The following EBF1 variants were observed in gnomAD, a reference collection of about 807,000 sequenced individuals.
The protein encoded by EBF1 is transcription factor COE1.
Under a neutral mutation model 68.4 loss-of-function variants are expected in EBF1, and 10 were observed. That is an observed-to-expected ratio of 0.15 (90% CI 0.09 to 0.25). The LOEUF is 0.25. EBF1 is among the 10% of genes least tolerant of loss of function. The pLI, the probability that EBF1 is intolerant of heterozygous loss-of-function variation, is 1.00. For missense variants in EBF1, 509 were observed against 794.4 expected, an observed-to-expected ratio of 0.64 and a Z score of 4.32; for synonymous variants, 298 against 299.8, an observed-to-expected ratio of 0.99 and a Z score of 0.06.
intron 6 of EBF1, among the ~76,000 whole-genome samples, chr5:159,070,591 A>G (rs926832615): frequency 2.0e-5 from 3 of 152,018 alleles, no homozygotes; most frequent in African/African-American, 7.3e-5. Context: ...AGTTTTCCTG[A>G]ATAAACCACT....
chr5:159,096,727 T>G, intron 2 of EBF1: 1 of 618,194 alleles, frequency 1.6e-6, no homozygotes, highest in Non-Finnish European at 2.8e-6. Flanking sequence ...CGGGTGCCCA[T>G]GGCTGTGGAT....
intron 6 of EBF1, among the ~76,000 whole-genome samples, chr5:158,953,093 T>A (rs1020627890): frequency 2.0e-5 from 3 of 152,090 alleles, no homozygotes; most frequent in African/African-American, 7.2e-5. Context: ...CATACATCAC[T>A]AGTAAGACAT....
At chr5:159,093,959 A>G (rs1401184792) in intron 4 of EBF1, among the ~76,000 whole-genome samples, 2 of 148,400 alleles carry the variant, frequency 1.3e-5, no homozygotes, top group African/African-American at 2.5e-5. Flanking sequence ...ATACACATAG[A>G]GTATGTCTTA....
intron 6 of EBF1, among the ~76,000 whole-genome samples, chr5:158,993,180 G>A (rs1171411716): frequency 8.6e-5 from 13 of 151,154 alleles, no homozygotes; most frequent in Non-Finnish European, 1.5e-5. Context: ...CCAAGTAGCC[G>A]GGATTACAGG....
At chr5:158,905,088 C>T (rs936336434) in intron 6 of EBF1, among the ~76,000 whole-genome samples, 2 of 152,170 alleles carry the variant, frequency 1.3e-5, no homozygotes, top group African/African-American at 2.4e-5. Flanking sequence ...ATACATTCAG[C>T]ACATTTTGCT....
In EBF1 at chr5:158,697,303, ACTT is replaced by A. The variant is rs748468586; in HGVS notation, c.*1805_*1807del. On this transcript the variant is annotated 3_prime_UTR_variant, in exon 16 of 16. Transcript: ENST00000313708. ...TTTTTTTTGCCATATATTGGAAAAA[ACTT>A]CTTAACTTACAAATAATACAAAAAT... is the stretch of plus-strand genomic sequence containing the variant. 1.6e-4 allele frequency: 30 copies of A among 192,918 alleles called. No homozygotes were observed. The highest frequency in any genetic ancestry group is 6.1e-5 in the Admixed American group (1 of 16,302). 12.0% of individuals were successfully genotyped at this position (192,918 alleles called of 1,614,324 possible). A position where few individuals can be genotyped will look rare whatever the true frequency, so the allele number is the denominator to read the frequency against.
At chr5:158,847,077 C>A (rs1387767914) in intron 6 of EBF1, among the ~76,000 whole-genome samples, 1 of 152,114 alleles carries the variant, frequency 6.6e-6, no homozygotes, top group Non-Finnish European at 1.5e-5. Flanking sequence ...AAGAAGTTTA[C>A]CTTTTCCACT....
chr5:158,944,356 A>G (rs1315434311), intron 6 of EBF1, among the ~76,000 whole-genome samples: 1 of 152,120 alleles, frequency 6.6e-6, no homozygotes, highest in Non-Finnish European at 1.5e-5. Context: ...GCTGAGAATG[A>G]TGGTTTCCAG....
chr5:158,943,051 TGGGAGGGA>T (rs1218854972), intron 6 of EBF1, among the ~76,000 whole-genome samples: 13 of 18,138 alleles, frequency 7.2e-4, no homozygotes, highest in Non-Finnish European at 1.0e-3. Flanking sequence ...GGGAGGGAAG[TGGGAGGGA>T]GGGAGGGAGG....
At chr5:159,069,663 G>A (rs1298071055) in intron 6 of EBF1, among the ~76,000 whole-genome samples, 1 of 151,972 alleles carries the variant, frequency 6.6e-6, no homozygotes, top group Non-Finnish European at 1.5e-5. Flanking sequence ...AGAAAAACTG[G>A]GTTCCCAATT....
chr5:158,852,810 C>T (rs538387234), intron 6 of EBF1, among the ~76,000 whole-genome samples: 28 of 152,268 alleles, frequency 1.8e-4, no homozygotes, highest in African/African-American at 6.7e-4. Context: ...AGCATTTAGA[C>T]TTTCTGAGGG....
At chr5:158,968,635 A>C (rs1008728810) in intron 6 of EBF1, among the ~76,000 whole-genome samples, 3 of 152,328 alleles carry the variant, frequency 2.0e-5, no homozygotes, top group African/African-American at 7.2e-5. Flanking sequence ...ATACTTAAAA[A>C]ATTGATTTGG....
At chr5:158,996,458 A>T (rs1186334572) in intron 6 of EBF1, among the ~76,000 whole-genome samples, 1 of 152,198 alleles carries the variant, frequency 6.6e-6, no homozygotes, top group Non-Finnish European at 1.5e-5. Flanking sequence ...CCCAGAAGTA[A>T]GGGGCAAAGG....
chr5:158,805,219 C>T (rs1220207326), intron 8 of EBF1, among the ~76,000 whole-genome samples: 1 of 152,120 alleles, frequency 6.6e-6, no homozygotes, highest in Non-Finnish European at 1.5e-5. Context: ...TCTTCAAGGA[C>T]TATTTAAGTC....
At chr5:159,052,964 C>T (rs550606000) in intron 6 of EBF1, among the ~76,000 whole-genome samples, 2 of 152,306 alleles carry the variant, frequency 1.3e-5, no homozygotes, top group East Asian at 1.9e-4. Context: ...AAGTCTGGGG[C>T]ACCTCTGACC....
At chr5:158,774,468 C>G (rs1290848750) in intron 10 of EBF1, among the ~76,000 whole-genome samples, 5 of 151,782 alleles carry the variant, frequency 3.3e-5, no homozygotes, top group Non-Finnish European at 7.4e-5. Context: ...CTTTTCAGCT[C>G]AATAATATTT....
intron 8 of EBF1, among the ~76,000 whole-genome samples, chr5:158,819,823 C>G (rs1026493095): frequency 1.3e-5 from 2 of 152,112 alleles, no homozygotes; most frequent in Non-Finnish European, 2.9e-5. Flanking sequence ...CAAAGAAAAT[C>G]TTGGTATTTA....
intron 6 of EBF1, chr5:158,983,230 T>C (rs1758265966): frequency 6.6e-6 from 1 of 152,220 alleles, no homozygotes. Flanking sequence ...TCTACTAACC[T>C]GAAGACATGA....
intron 6 of EBF1, among the ~76,000 whole-genome samples, chr5:158,909,856 G>A (rs1371553291): frequency 3.4e-5 from 5 of 148,196 alleles, no homozygotes; most frequent in Admixed American, 1.4e-4. Context: ...AGAATCACTC[G>A]AACCAGGGAG....
Sources: gnomAD v4.1 joint callset for allele counts (sites outside exome capture counted in the v4.1 genomes callset) on GRCh38, gnomAD v4.1.1 for gene constraint, MANE v1.5 for transcripts, NCBI Gene and HGNC (gene_info 2026-07-23, HGNC 2026-07-21) for gene names.